The following DNAJC16 variants were observed in gnomAD, a reference collection of about 807,000 sequenced individuals.
DNAJC16 encodes dnaJ homolog subfamily C member 16.
Under a neutral mutation model 92.7 loss-of-function variants are expected in DNAJC16, and 76 were observed. The ratio of observed to expected loss-of-function variants is 0.82; its 90% CI spans 0.68 to 0.99. The LOEUF is 0.99. DNAJC16 is among the 50% of genes least tolerant of loss of function. The pLI, the probability that DNAJC16 is intolerant of heterozygous loss-of-function variation, is 0.00. For missense variants in DNAJC16, 869 were observed against 942.4 expected (o/e 0.92, Z 1.02); for synonymous variants, 328 against 358.7 (o/e 0.91, Z 0.97).
At chr1:15,544,204 A>G (rs1176382396) in intron 4 of DNAJC16, among the ~76,000 whole-genome samples, 195 bp from the exon 5 acceptor site, 1 of 151,172 alleles carries the variant, frequency 6.6e-6, no homozygotes, top group Non-Finnish European at 1.5e-5. Context: ...CTCTTCTTAC[A>G]TATTGCCAGA....
chr1:15,559,040 A>G (rs529578474), intron 7 of DNAJC16, among the ~76,000 whole-genome samples: 8 of 152,244 alleles, frequency 5.3e-5, no homozygotes, highest in South Asian at 2.1e-4. Context: ...CCCAGGTTCA[A>G]CTGATTCTCT....
At chr1:15,546,955 T>G in intron 6 of DNAJC16, 84 bp downstream of exon 6, 1 of 1,040,204 alleles carries the variant, frequency 9.6e-7, no homozygotes, top group Middle Eastern at 2.1e-4. Context: ...AATCTCTGAG[T>G]TGGAACTTAT....
chr1:15,548,176 C>T, intron 6 of DNAJC16, 94 bp from the exon 7 acceptor site: 1 of 1,263,544 alleles, frequency 7.9e-7, no homozygotes, highest in African/African-American at 1.5e-5. Context: ...TGGCATGTAC[C>T]TCTCTGCTCA....
In DNAJC16 at chr1:15,529,392, T is replaced by C. The variant is rs1710601631; in HGVS notation, c.167+120T>C. On this transcript the variant is annotated intron_variant, in intron 2 of 14. Coordinates refer to ENST00000375847, the MANE Select transcript of DNAJC16 (RefSeq NM_015291.4). The stretch of plus-strand genomic sequence containing the variant: ...TCTATGTTCAATATATATATCTGTC[T>C]AAAATATTTTACGCAGGAGAGCTAA... The C allele has an allele frequency of 6.0e-6, 6 of 1,000,438 alleles. No homozygotes were observed. In the East Asian group the frequency reaches 1.7e-4, roughly 29 times the overall value. The allele number at this position is 1,000,438 out of a possible 1,614,324, so 62.0% of individuals were successfully genotyped here.
intron 1 of DNAJC16, among the ~76,000 whole-genome samples, chr1:15,528,738 G>A (rs541480529): frequency 2.4e-4 from 37 of 152,240 alleles, no homozygotes; most frequent in African/African-American, 8.7e-4. Flanking sequence ...ATGAAATCAT[G>A]TATTTGAGAG....
chr1:15,545,215 C>T (rs765445080), intron 5 of DNAJC16, among the ~76,000 whole-genome samples: 35 of 151,932 alleles, frequency 2.3e-4, no homozygotes, highest in Admixed American at 2.6e-4. Context: ...TAACTAGGAA[C>T]GGACTCTCAT....
intron 7 of DNAJC16, among the ~76,000 whole-genome samples, chr1:15,548,911 G>A (rs1638378399): frequency 6.6e-6 from 1 of 152,112 alleles, no homozygotes; most frequent in African/African-American, 2.4e-5. Context: ...ATATTAAAAT[G>A]TTGATATTTT....
rs7528011 is a variant in DNAJC16 at position 15,544,659 on chromosome 1, T to C, written c.759+76T>C. ...TAGGACTGTTAATTGCCCAGAACAT[T>C]TTCTGTAGTCCTCTCAAACCTGAGT... On this transcript the variant is annotated intron_variant, in intron 5 of 14. Transcript: ENST00000375847. 4.1e-3 allele frequency: 5,855 copies of C among 1,438,008 alleles called. 195 individuals are homozygous for C. In the African/African-American group the frequency reaches 0.072, roughly 18 times the overall value. The allele number at this position is 1,438,008 out of a possible 1,614,324, so 89.1% of individuals were successfully genotyped here. A position where few individuals can be genotyped will look rare whatever the true frequency, so the allele number is the denominator to read the frequency against.
rs112362156 is a variant in DNAJC16 at position 15,536,961 on chromosome 1, C to T, written c.574+147C>T. 4.7e-6 allele frequency: 3 copies of T among 641,670 alleles called. No individual in the cohort carries two copies. The African/African-American group carries it at 5.6e-5, about 12-fold the overall frequency. The allele number at this position is 641,670 out of a possible 1,614,324, so 39.7% of individuals were successfully genotyped here. Reference sequence around the variant, plus strand: ...CACCTCCCGGGTTCAAGTGATTCTCCTGCCTCAACCTCCCGAGTAGTTGGG... The same window carrying T: ...CACCTCCCGGGTTCAAGTGATTCTCTTGCCTCAACCTCCCGAGTAGTTGGG... On this transcript the variant is annotated intron_variant, in intron 4 of 14. Transcript: ENST00000375847.
chr1:15,547,395 C>T (rs1186839032), intron 6 of DNAJC16, among the ~76,000 whole-genome samples: 1 of 150,598 alleles, frequency 6.6e-6, no homozygotes, highest in Non-Finnish European at 1.5e-5. Context: ...ACCCACCTGC[C>T]TCAGCCTCCC....
intron 13 of DNAJC16, 107 bp downstream of exon 13, chr1:15,566,287 C>A: frequency 1.2e-6 from 1 of 864,584 alleles, no homozygotes; most frequent in Non-Finnish European, 1.8e-6. Context: ...AACTCTCATG[C>A]ACCTCCTCCC....
intron 7 of DNAJC16, among the ~76,000 whole-genome samples, chr1:15,554,869 C>T (rs1381545296): frequency 6.6e-6 from 1 of 152,070 alleles, no homozygotes. Flanking sequence ...TAAAGTGATT[C>T]TATCCTTAGA....
intron 7 of DNAJC16, among the ~76,000 whole-genome samples, chr1:15,549,671 G>A (rs1247594012): frequency 3.3e-5 from 5 of 151,962 alleles, no homozygotes; most frequent in African/African-American, 7.3e-5. Context: ...AAAATTAGCC[G>A]GGCGTGGTGG....
intron 7 of DNAJC16, among the ~76,000 whole-genome samples, chr1:15,553,386 A>G (rs1211289007): frequency 6.6e-6 from 1 of 151,366 alleles, no homozygotes; most frequent in Non-Finnish European, 1.5e-5. Context: ...GGCACACTCC[A>G]CCACGCCCAG....
At chr1:15,550,252 A>C (rs1638415775) in intron 7 of DNAJC16, among the ~76,000 whole-genome samples, 2 of 152,238 alleles carry the variant, frequency 1.3e-5, no homozygotes, top group South Asian at 2.1e-4. Flanking sequence ...GGATTTCCTA[A>C]ATTGGTCTTT....
In DNAJC16 at chr1:15,536,533, A is replaced by C; in HGVS notation, c.293A>C (p.Asn98Thr). ...NYDQYGDAGE[N>T]QGYQKQQQQR... ...GATCAATATGGAGACGCTGGAGAGAACCAGGGCTACCAGAAGCAGCAACAG... is the reference window on the plus strand; with the variant it reads ...GATCAATATGGAGACGCTGGAGAGACCCAGGGCTACCAGAAGCAGCAACAG... The change falls in exon 4 of 15, where the codon AAC (asparagine) becomes ACC (threonine). Residue 98 changes from asparagine (N) to threonine (T), a missense_variant. Physicochemically the swap from Asn to Thr is moderately conservative, Grantham distance 65. Transcript: ENST00000375847. The C allele has an allele frequency of 6.2e-7, 1 of 1,614,170 alleles. No individual in the cohort carries two copies. The highest frequency in any genetic ancestry group is 1.3e-5 in the African/African-American group (1 of 75,056).
chr1:15,568,974 A>T lies in DNAJC16; in HGVS notation c.*797A>T. 3.0e-6 allele frequency: 1 copy of T among 335,956 alleles called. No individual in the cohort carries two copies. The highest frequency in any genetic ancestry group is 4.5e-5 in the East Asian group (1 of 22,132). 20.8% of individuals were successfully genotyped at this position (335,956 alleles called of 1,614,324 possible). ...TGATGACTTTGAGCCGTTGACATGTATGTCTTCAGATGCCTTTCTGCCTCT... is the reference window on the plus strand; with the variant it reads ...TGATGACTTTGAGCCGTTGACATGTTTGTCTTCAGATGCCTTTCTGCCTCT... On this transcript the variant is annotated 3_prime_UTR_variant, in exon 15 of 15. Coordinates refer to ENST00000375847, the MANE Select transcript of DNAJC16 (RefSeq NM_015291.4).
intron 10 of DNAJC16, 25 bp downstream of exon 10, chr1:15,564,136 G>A: frequency 6.2e-7 from 1 of 1,613,012 alleles, no homozygotes; most frequent in Non-Finnish European, 8.5e-7. Context: ...TGGGAAGGGT[G>A]GGACACCAGG....
Position 15,545,499 on chromosome 1 carries a change from C to T in DNAJC16, c.759+916C>T, listed in dbSNP as rs1462898888. Among the ~76,000 whole-genome samples the T allele has an allele frequency of 3.9e-5, 6 of 152,158 alleles. No individual in the cohort carries two copies. In the East Asian group the frequency reaches 9.6e-4, roughly 24 times the overall value. ...ATAGCCGTTTCAAGCAGCTCCCAAG[C>T]GGGTGGTTATTTCCAGTATGTTGGA... is the stretch of plus-strand genomic sequence containing the variant. On this transcript the variant is annotated intron_variant, in intron 5 of 14. Coordinates refer to ENST00000375847, the MANE Select transcript of DNAJC16 (RefSeq NM_015291.4).
Sources: allele counts gnomAD v4.1 joint callset (sites outside exome capture counted in the v4.1 genomes callset), GRCh38; gene constraint gnomAD v4.1.1; transcripts MANE v1.5; gene names NCBI Gene and HGNC (gene_info 2026-07-23, HGNC 2026-07-21).